The following TM7SF3 variants were observed in gnomAD, a reference collection of about 807,000 sequenced individuals.
The protein encoded by TM7SF3 is seven span transmembrane protein.
A neutral mutation model predicts 65.5 loss-of-function variants in TM7SF3; 60 were observed. The ratio of observed to expected loss-of-function variants is 0.92; its 90% CI spans 0.74 to 1.14. The LOEUF (loss-of-function observed/expected upper bound fraction) is 1.14, where lower values mean the gene tolerates loss of function less well. Ranked by LOEUF, TM7SF3 falls within the 50% of genes most tolerant of loss-of-function variation. The pLI, the probability that TM7SF3 is intolerant of heterozygous loss-of-function variation, is 0.00. For synonymous variants in TM7SF3, 264 were observed against 259.6 expected, an observed-to-expected ratio of 1.02 and a Z score of -0.16; for missense variants, 623 against 684.8, an observed-to-expected ratio of 0.91 and a Z score of 1.01.
chr12:27,014,023 C>A lies in TM7SF3; in HGVS notation c.91+55G>T, dbSNP rs994877647. On this transcript the variant is annotated intron_variant, in intron 1 of 11. Coordinates refer to ENST00000343028, the MANE Select transcript of TM7SF3 (RefSeq NM_016551.3). ...ACAGACCCCTGGCGGATTTTGACCT[C>A]GCAAGAAATGCAAAAGCAACTTTGG... 4.7e-6 allele frequency: 7 copies of A among 1,474,020 alleles called. No homozygotes were observed. The African/African-American group carries it at 9.8e-5, about 21-fold the overall frequency. 91.3% of individuals were successfully genotyped at this position (1,474,020 alleles called of 1,614,324 possible).
chr12:27,002,453 T>G (rs1374938055), intron 2 of TM7SF3, among the ~76,000 whole-genome samples: 1 of 152,012 alleles, frequency 6.6e-6, no homozygotes, highest in Non-Finnish European at 1.5e-5. Flanking sequence ...AATAAAAATT[T>G]TAAAAATTTA....
rs139587595 is a variant in TM7SF3 at position 27,000,841 on chromosome 12, C to T, written c.247-1165G>A. On this transcript the variant is annotated intron_variant, in intron 2 of 11. Transcript: ENST00000343028. The stretch of plus-strand genomic sequence containing the variant: ...CAAAATAGCAAATGTATGCATCACC[C>T]CAAGTTTCCTTGTGCCCCTTCCTAA... 3.2e-4 allele frequency among the ~76,000 whole-genome samples: 49 copies of T among 152,108 alleles called. No individual in the cohort carries two copies. The South Asian group carries it at 9.5e-3, about 30-fold the overall frequency.
chr12:27,012,982 A>T, intron 1 of TM7SF3: 1 of 156,972 alleles, frequency 6.4e-6, no homozygotes. Flanking sequence ...TAGGCGACAG[A>T]GCGAGACTCC....
At chr12:27,011,197 A>C (rs1941231918) in intron 1 of TM7SF3, among the ~76,000 whole-genome samples, 1 of 152,216 alleles carries the variant, frequency 6.6e-6, no homozygotes, top group African/African-American at 2.4e-5. Context: ...TTTTTAGAGA[A>C]AGACAGCACT....
intron 5 of TM7SF3, among the ~76,000 whole-genome samples, chr12:26,990,872 T>A (rs1940325313): frequency 1.3e-5 from 2 of 152,170 alleles, no homozygotes; most frequent in Non-Finnish European, 2.9e-5. Flanking sequence ...AAATGCGATA[T>A]AAACAATGTA....
intron 9 of TM7SF3, chr12:26,978,005 AGGATG>A: frequency 2.5e-6 from 1 of 408,112 alleles, no homozygotes; most frequent in Non-Finnish European, 4.8e-6. Context: ...CTGATGTAAG[AGGATG>A]GCTTGAGCCT....
At chr12:26,985,750 T>C (rs1025520686) in intron 6 of TM7SF3, among the ~76,000 whole-genome samples, 1 of 144,504 alleles carries the variant, frequency 6.9e-6, no homozygotes, top group Non-Finnish European at 1.5e-5. Flanking sequence ...GAAGATTGTC[T>C]TGAGTGGAAG....
At chr12:26,978,985 C>G (rs1263535185) in intron 9 of TM7SF3, 6 of 152,182 alleles carry the variant, frequency 3.9e-5, no homozygotes, top group Admixed American at 3.9e-4. Context: ...CACAACACTG[C>G]TTTTCATCAG....
chr12:27,003,168 G>T, intron 2 of TM7SF3, 68 bp downstream of exon 2: 1 of 1,088,376 alleles, frequency 9.2e-7, no homozygotes, highest in Non-Finnish European at 1.3e-6. Context: ...AAATTCTAAT[G>T]CTCATACTAA....
In TM7SF3 at chr12:26,974,324, C is replaced by CTA. The variant is rs1216857930; in HGVS notation, c.1451-99_1451-98dup. On this transcript the variant is annotated intron_variant, in intron 11 of 11. Transcript: ENST00000343028. ...ATGGACTAAATCTGTATATTCCTTT[C>CTA]TAATAGACTTTCTGGTGAGTTAGTC... 7.6e-6 allele frequency: 10 copies of CTA among 1,307,882 alleles called. No homozygotes were observed. In the Admixed American group the frequency reaches 1.1e-4, roughly 14 times the overall value. The allele number at this position is 1,307,882 out of a possible 1,614,324, so 81.0% of individuals were successfully genotyped here.
chr12:26,994,581 AG>A (rs2136421612), intron 5 of TM7SF3, among the ~76,000 whole-genome samples: 1 of 152,338 alleles, frequency 6.6e-6, no homozygotes, highest in Admixed American at 6.5e-5. Context: ...TCCTGACCTC[AG>A]GTGATCCACC....
chr12:26,985,852 C>T (rs1382049467), intron 6 of TM7SF3, among the ~76,000 whole-genome samples: 7 of 114,336 alleles, frequency 6.1e-5, no homozygotes, highest in Non-Finnish European at 1.0e-4. Context: ...CTCGCTCTGC[C>T]GCCCAGGCTA....
chr12:27,002,811 A>G (rs1367982351), intron 2 of TM7SF3, among the ~76,000 whole-genome samples: 4 of 152,244 alleles, frequency 2.6e-5, no homozygotes, highest in Admixed American at 2.0e-4. Flanking sequence ...ACAGAGTCCA[A>G]AGAATAAAGT....
intron 4 of TM7SF3, among the ~76,000 whole-genome samples, chr12:26,995,984 G>C (rs1940577142): frequency 6.6e-6 from 1 of 152,104 alleles, no homozygotes; most frequent in African/African-American, 2.4e-5. Flanking sequence ...CAGGCCTAGA[G>C]TAAAATACTA....
At chr12:26,999,451 A>G in intron 3 of TM7SF3, 75 bp downstream of exon 3, 2 of 1,483,366 alleles carry the variant, frequency 1.3e-6, no homozygotes, top group Admixed American at 1.9e-5. Context: ...TCTCAATAGG[A>G]TAATTTTCCT....
Position 26,973,018 on chromosome 12 carries a change from TAAAC to T in TM7SF3, c.*943_*946del, listed in dbSNP as rs548786385. 1.1e-3 allele frequency among the ~76,000 whole-genome samples: 174 copies of T among 152,006 alleles called. No individual in the cohort carries two copies. Among genetic ancestry groups the T allele is most frequent in the Non-Finnish European group, 2.0e-3 (139 of 67,978 alleles). On this transcript the variant is annotated 3_prime_UTR_variant, in exon 12 of 12. Transcript: ENST00000343028. ...AAGGGAACCTACTGAATTGTACACT[TAAAC>T]ATGAATAAGAAGGTAAATTTCATGT...
intron 9 of TM7SF3, 84 bp from the exon 10 acceptor site, chr12:26,976,441 A>G: frequency 1.2e-6 from 1 of 837,230 alleles, no homozygotes; most frequent in East Asian, 2.6e-5. Flanking sequence ...ACACAGATAT[A>G]CATCAAAGCC....
rs111407857 is a variant in TM7SF3 at position 26,985,981 on chromosome 12, G to A, written c.869-3122C>T. Among the ~76,000 whole-genome samples the A allele has an allele frequency of 1.8e-3, 256 of 144,680 alleles. 1 individual carries two copies. The highest frequency in any genetic ancestry group is 6.3e-3 in the African/African-American group (239 of 38,154). The allele number at this position is 144,680 out of a possible 152,430, so 94.9% of individuals were successfully genotyped here. A position where few individuals can be genotyped will look rare whatever the true frequency, so the allele number is the denominator to read the frequency against. ...ACTACAGGCGCCCACCACCATGCCC[G>A]GCTAATGTTTTGTATTGTTTTTTTT... On this transcript the variant is annotated intron_variant, in intron 6 of 11. Transcript: ENST00000343028.
intron 1 of TM7SF3, among the ~76,000 whole-genome samples, chr12:27,005,416 A>G (rs1940992084): frequency 6.6e-6 from 1 of 152,226 alleles, no homozygotes; most frequent in Non-Finnish European, 1.5e-5. Context: ...AAACAAATTC[A>G]TAAAGGTTAT....
Sources: allele counts gnomAD v4.1 joint callset (sites outside exome capture counted in the v4.1 genomes callset), GRCh38; gene constraint gnomAD v4.1.1; transcripts MANE v1.5; gene names NCBI Gene and HGNC (gene_info 2026-07-23, HGNC 2026-07-21).